Variants in HS6ST3 observed in about 807,000 individuals in gnomAD.
HS6ST3 encodes the protein heparan sulfate 6-O-sulfotransferase 3.
A neutral mutation model predicts 36.7 loss-of-function variants in HS6ST3; 12 were observed. That is an observed-to-expected ratio of 0.33 (90% CI 0.21 to 0.53). The LOEUF is 0.53. Among genes scored for constraint, HS6ST3 ranks in the 20% least tolerant of loss-of-function variants. HS6ST3 has a pLI of 0.95. For missense variants in HS6ST3, 584 were observed against 640.9 expected (o/e 0.91, Z 0.96); for synonymous variants, 240 against 257.5 (o/e 0.93, Z 0.65).
intron 1 of HS6ST3, among the ~76,000 whole-genome samples, chr13:96,515,358 C>A (rs753339561): frequency 6.6e-6 from 1 of 152,308 alleles, no homozygotes; most frequent in Middle Eastern, 3.4e-3. Flanking sequence ...ATTTGAAGCA[C>A]TCAGTTAGCA....
chr13:96,351,672 C>G (rs988040951), intron 1 of HS6ST3, among the ~76,000 whole-genome samples: 1 of 152,098 alleles, frequency 6.6e-6, no homozygotes, highest in Non-Finnish European at 1.5e-5. Context: ...CTGATGAATA[C>G]TGATGGTCTA....
intron 1 of HS6ST3, among the ~76,000 whole-genome samples, chr13:96,123,592 G>A (rs1281134261): frequency 6.6e-6 from 1 of 152,144 alleles, no homozygotes; most frequent in Non-Finnish European, 1.5e-5. Flanking sequence ...CTCTTAGAGA[G>A]CAACACAAAT....
intron 1 of HS6ST3, among the ~76,000 whole-genome samples, chr13:96,406,395 A>G (rs952028378): frequency 5.3e-5 from 8 of 152,212 alleles, no homozygotes; most frequent in South Asian, 2.1e-4. Context: ...GTGTCATACA[A>G]TTACAGTACT....
At chr13:96,257,972 A>T (rs2054645341) in intron 1 of HS6ST3, among the ~76,000 whole-genome samples, 1 of 152,116 alleles carries the variant, frequency 6.6e-6, no homozygotes, top group Non-Finnish European at 1.5e-5. Context: ...TTTTGCAGGG[A>T]TGCCAGTGCA....
chr13:96,751,748 G>A (rs1876705162), intron 1 of HS6ST3, among the ~76,000 whole-genome samples: 1 of 151,798 alleles, frequency 6.6e-6, no homozygotes, highest in South Asian at 2.1e-4. Flanking sequence ...AGTGGCTTGT[G>A]TGTATGTGTG....
intron 1 of HS6ST3, among the ~76,000 whole-genome samples, chr13:96,803,999 C>T (rs1019926196): frequency 3.3e-5 from 5 of 152,102 alleles, no homozygotes; most frequent in East Asian, 1.9e-4. Flanking sequence ...AAAAGCCTTT[C>T]GGTCCCATCT....
At chr13:96,437,335 A>C (rs1245414292) in intron 1 of HS6ST3, among the ~76,000 whole-genome samples, 11 of 152,208 alleles carry the variant, frequency 7.2e-5, no homozygotes, top group Non-Finnish European at 1.5e-4. Context: ...TCATGATACT[A>C]ATTGCTGAGT....
intron 1 of HS6ST3, among the ~76,000 whole-genome samples, chr13:96,564,481 G>A (rs2056273837): frequency 6.6e-6 from 1 of 152,142 alleles, no homozygotes; most frequent in Non-Finnish European, 1.5e-5. Flanking sequence ...CACTGCTTAA[G>A]CATCATTTAA....
chr13:96,696,827 C>A (rs562407186), intron 1 of HS6ST3, among the ~76,000 whole-genome samples: 1 of 152,000 alleles, frequency 6.6e-6, no homozygotes, highest in African/African-American at 2.4e-5. Context: ...AGAAGGGGTC[C>A]GGAGCCTGAC....
chr13:96,267,055 T>A (rs541868286), intron 1 of HS6ST3, among the ~76,000 whole-genome samples: 1 of 151,990 alleles, frequency 6.6e-6, no homozygotes, highest in Non-Finnish European at 1.5e-5. Context: ...TCGGAGCGGG[T>A]TTTTTGTGTG....
rs185226111 is a variant in HS6ST3 at position 96,324,310 on chromosome 13, C to T, written c.707+232741C>T. ...TTAAAGAATCCTAAGGAAGAGATTA[C>T]AAATGCTGTGATCTCCAGCACACCC... On this transcript the variant is annotated intron_variant, in intron 1 of 1. Coordinates refer to ENST00000376705, the MANE Select transcript of HS6ST3 (RefSeq NM_153456.4). 1.2e-4 allele frequency among the ~76,000 whole-genome samples: 19 copies of T among 152,216 alleles called. No individual in the cohort carries two copies. In the Middle Eastern group the frequency reaches 0.014, roughly 109 times the overall value.
intron 1 of HS6ST3, among the ~76,000 whole-genome samples, chr13:96,483,034 A>C (rs74372645): frequency 2.5e-4 from 38 of 152,350 alleles, no homozygotes; most frequent in Non-Finnish European, 4.4e-4. Flanking sequence ...GAGGATAAAT[A>C]ATATGAATGC....
chr13:96,554,789 C>T (rs1472617223), intron 1 of HS6ST3, among the ~76,000 whole-genome samples: 2 of 151,940 alleles, frequency 1.3e-5, no homozygotes, highest in Non-Finnish European at 2.9e-5. Flanking sequence ...TTCTATATGG[C>T]CAGGCGCAGT....
At chr13:96,127,949 A>G (rs1259095619) in intron 1 of HS6ST3, among the ~76,000 whole-genome samples, 1 of 152,148 alleles carries the variant, frequency 6.6e-6, no homozygotes, top group Non-Finnish European at 1.5e-5. Context: ...TAAGATCCCC[A>G]TACCCACTGC....
intron 1 of HS6ST3, among the ~76,000 whole-genome samples, chr13:96,120,519 A>G (rs1007452792): frequency 2.0e-5 from 3 of 152,176 alleles, no homozygotes; most frequent in African/African-American, 7.2e-5. Context: ...TATTCCTTCA[A>G]TTTATTTCCT....
At chr13:96,269,438 T>C (rs2054708850) in intron 1 of HS6ST3, among the ~76,000 whole-genome samples, 1 of 151,986 alleles carries the variant, frequency 6.6e-6, no homozygotes, top group Admixed American at 6.6e-5. Context: ...TGTGACCGCT[T>C]TGTGCGTACT....
chr13:96,363,764 CA>C, intron 1 of HS6ST3, among the ~76,000 whole-genome samples: 1 of 151,926 alleles, frequency 6.6e-6, no homozygotes, highest in South Asian at 2.1e-4. Flanking sequence ...ATGAGAGAAA[CA>C]AAAGATGAGA....
intron 1 of HS6ST3, among the ~76,000 whole-genome samples, chr13:96,620,592 C>G (rs956192369): frequency 6.6e-6 from 1 of 152,174 alleles, no homozygotes; most frequent in Non-Finnish European, 1.5e-5. Flanking sequence ...AGGTCATCAG[C>G]GACATACATC....
intron 1 of HS6ST3, among the ~76,000 whole-genome samples, chr13:96,249,348 G>C (rs1005195417): frequency 6.6e-6 from 1 of 152,028 alleles, no homozygotes; most frequent in Non-Finnish European, 1.5e-5. Context: ...TGAAACCTGA[G>C]AAAAAAGATT....
Sources: gnomAD v4.1 joint callset for allele counts (sites outside exome capture counted in the v4.1 genomes callset) on GRCh38, gnomAD v4.1.1 for gene constraint, MANE v1.5 for transcripts, NCBI Gene and HGNC (gene_info 2026-07-23, HGNC 2026-07-21) for gene names.